The following PPP1R21 variants were observed in gnomAD, a reference collection of about 807,000 sequenced individuals.
PPP1R21 encodes protein phosphatase 1 regulatory subunit 21, also known as KLRAQ motif containing 1.
PPP1R21 carries 85 observed loss-of-function variants against 112.8 expected under a neutral mutation model. The observed-to-expected ratio is 0.75, with a 90% CI of 0.63 to 0.90. PPP1R21 has a LOEUF of 0.90. PPP1R21 is among the 40% of genes least tolerant of loss of function. PPP1R21 has a pLI of 0.00. For synonymous variants in PPP1R21, 381 were observed against 322.3 expected (o/e 1.18, Z -1.95); for missense variants, 1,199 against 901.5 (o/e 1.33, Z -4.23).
At chr2:48,504,182 C>G (rs769224040) in intron 17 of PPP1R21, among the ~76,000 whole-genome samples, 1 of 152,070 alleles carries the variant, frequency 6.6e-6, no homozygotes, top group Admixed American at 6.5e-5. Context: ...AGAGTAATTG[C>G]TACTTCTACT....
chr2:48,507,181 C>G, intron 18 of PPP1R21, 88 bp from the exon 19 acceptor site: 2 of 1,414,262 alleles, frequency 1.4e-6, no homozygotes, highest in Non-Finnish European at 1.8e-6. Context: ...TGAGAATGTA[C>G]AAAATGTTGT....
intron 12 of PPP1R21, 48 bp from the exon 13 acceptor site, chr2:48,479,876 A>T (rs1270896443): frequency 1.8e-6 from 2 of 1,091,152 alleles, no homozygotes; most frequent in Middle Eastern, 2.0e-4. Context: ...TACAATGGGC[A>T]GTCCATTTTT....
chr2:48,504,513 C>G (rs1302898135), intron 17 of PPP1R21, among the ~76,000 whole-genome samples: 1 of 152,084 alleles, frequency 6.6e-6, no homozygotes, highest in Non-Finnish European at 1.5e-5. Flanking sequence ...TGGTGGCGTG[C>G]ACCTGTAATC....
At chr2:48,441,385 G>A (rs562004010) in intron 1 of PPP1R21, 1 of 325,934 alleles carries the variant, frequency 3.1e-6, no homozygotes, top group East Asian at 1.1e-4. Flanking sequence ...CTCAGCCTAG[G>A]GATGGGGAAG....
intron 21 of PPP1R21, among the ~76,000 whole-genome samples, chr2:48,512,279 A>AT (rs1385379235): frequency 6.6e-6 from 1 of 152,220 alleles, no homozygotes; most frequent in Non-Finnish European, 1.5e-5. Flanking sequence ...GCATATCCAC[A>AT]TACCGTGTCT....
intron 3 of PPP1R21, 54 bp downstream of exon 3, chr2:48,454,795 T>G: frequency 7.3e-7 from 1 of 1,365,034 alleles, no homozygotes; most frequent in Non-Finnish European, 1.0e-6. Flanking sequence ...TACTGACACC[T>G]ACAGGGCATC....
chr2:48,445,021 T>G (rs1195238038), intron 1 of PPP1R21, among the ~76,000 whole-genome samples: 1 of 152,150 alleles, frequency 6.6e-6, no homozygotes, highest in African/African-American at 2.4e-5. Flanking sequence ...AAGGGTCAGT[T>G]TTGATCCAGC....
intron 4 of PPP1R21, among the ~76,000 whole-genome samples, chr2:48,458,662 T>TA (rs1164506948): frequency 6.6e-6 from 1 of 151,658 alleles, no homozygotes; most frequent in African/African-American, 2.4e-5. Flanking sequence ...TGTTAAACTG[T>TA]AAGGTCTCTG....
intron 20 of PPP1R21, among the ~76,000 whole-genome samples, chr2:48,510,748 C>G (rs1366031861): frequency 6.6e-6 from 1 of 152,156 alleles, no homozygotes; most frequent in Admixed American, 6.5e-5. Flanking sequence ...TGTAGGCCAT[C>G]GAGGCATAGG....
intron 21 of PPP1R21, 88 bp downstream of exon 21, chr2:48,511,556 C>G: frequency 6.7e-7 from 1 of 1,498,596 alleles, no homozygotes; most frequent in Non-Finnish European, 9.1e-7. Context: ...AGGAAGAGGA[C>G]ATAAGATTTA....
In PPP1R21 at chr2:48,469,089, T is replaced by G. The variant is rs1668338845; in HGVS notation, c.898-1998T>G. Among the ~76,000 whole-genome samples the G allele has an allele frequency of 3.3e-5, 5 of 151,636 alleles. No homozygotes were observed. In the South Asian group the frequency reaches 1.0e-3, roughly 32 times the overall value. On this transcript the variant is annotated intron_variant, in intron 9 of 21. Transcript: ENST00000294952. ...AAAGTGGAAACCCCTGATAAACCTGTCAGATCTTGTGAGACTTATCCACTA... is the reference window on the plus strand; with the variant it reads ...AAAGTGGAAACCCCTGATAAACCTGGCAGATCTTGTGAGACTTATCCACTA...
intron 7 of PPP1R21, 125 bp from the exon 8 acceptor site, chr2:48,464,812 T>C (rs1474024441): frequency 4.7e-6 from 3 of 631,962 alleles, no homozygotes; most frequent in Non-Finnish European, 8.1e-6. Context: ...TATTCTGTAT[T>C]GTTGATCATT....
At chr2:48,484,219 A>G (rs1669170718) in intron 13 of PPP1R21, among the ~76,000 whole-genome samples, 4 of 152,136 alleles carry the variant, frequency 2.6e-5, no homozygotes, top group Non-Finnish European at 5.9e-5. Flanking sequence ...GTTCCTCCTA[A>G]TAAATCATCC....
At chr2:48,458,321 G>C in intron 4 of PPP1R21, 94 bp downstream of exon 4, 1 of 741,808 alleles carries the variant, frequency 1.3e-6, no homozygotes, top group Non-Finnish European at 2.4e-6. Flanking sequence ...TTGTGTCTGC[G>C]TGGGTATTTT....
intron 9 of PPP1R21, among the ~76,000 whole-genome samples, chr2:48,468,112 T>C (rs1186121008): frequency 2.6e-5 from 4 of 152,208 alleles, no homozygotes; most frequent in African/African-American, 9.7e-5. Flanking sequence ...AGTTATGTCC[T>C]CTTGGGAAAT....
chr2:48,451,991 G>C (rs1310853758), intron 2 of PPP1R21, among the ~76,000 whole-genome samples: 2 of 152,122 alleles, frequency 1.3e-5, no homozygotes, highest in African/African-American at 2.4e-5. Context: ...ACACTCTCAG[G>C]GTTGAGATGG....
chr2:48,452,346 C>T (rs576902228), intron 2 of PPP1R21, among the ~76,000 whole-genome samples: 32 of 152,090 alleles, frequency 2.1e-4, no homozygotes, highest in Non-Finnish European at 3.2e-4. Flanking sequence ...CCATTATGTC[C>T]ATTATCTTAT....
rs553552429 is a variant in PPP1R21 at position 48,467,201 on chromosome 2, G to A, written c.897+1559G>A. ...TTTCAGGGTTTGTGAGGTTCAAACA[G>A]GGTTTAAATGTCACTTTCTTCAATC... is the stretch of plus-strand genomic sequence containing the variant. On this transcript the variant is annotated intron_variant, in intron 9 of 21. Transcript: ENST00000294952. 1.6e-3 allele frequency among the ~76,000 whole-genome samples: 239 copies of A among 152,262 alleles called. 1 individual carries two copies. The highest frequency in any genetic ancestry group is 2.8e-3 in the Non-Finnish European group (193 of 68,018).
chr2:48,507,375 T>G lies in PPP1R21; in HGVS notation c.2075T>G (p.Phe692Cys). ...LQLADSKSVHFYAECRALSKR... is the reference protein window; with the variant it reads ...LQLADSKSVHCYAECRALSKR... ...CTGGCTGACAGTAAGTCAGTGCATT[T>G]TTATGCCGAGGTGAGTGTAGATTTA... is the stretch of plus-strand genomic sequence containing the variant. The change falls in exon 19 of 22, where the codon TTT (phenylalanine) becomes TGT (cysteine). Residue 692 changes from phenylalanine (F) to cysteine (C), a missense_variant. By Grantham distance (205) the Phe-to-Cys change is radical. Transcript: ENST00000294952. 3 of 1,601,396 alleles carry G rather than the reference T, an allele frequency of 1.9e-6. No individual in the cohort carries two copies. The highest frequency in any genetic ancestry group is 2.6e-6 in the Non-Finnish European group (3 of 1,176,234).
Sources: gnomAD v4.1 joint callset for allele counts (sites outside exome capture counted in the v4.1 genomes callset) on GRCh38, gnomAD v4.1.1 for gene constraint, MANE v1.5 for transcripts, NCBI Gene and HGNC (gene_info 2026-07-23, HGNC 2026-07-21) for gene names.